The following CACNA2D3 variants were observed in gnomAD, a reference collection of about 807,000 sequenced individuals.
CACNA2D3 encodes the protein calcium voltage-gated channel auxiliary subunit alpha2delta 3.
In CACNA2D3, 60 loss-of-function variants were observed where a neutral mutation model predicts 160.6. The observed-to-expected ratio is 0.37, with a 90% CI of 0.30 to 0.46. The LOEUF is 0.46. CACNA2D3 is among the 20% of genes least tolerant of loss of function. The pLI is 1.00. For synonymous variants in CACNA2D3, 558 were observed against 492.9 expected (o/e 1.13, Z -1.75); for missense variants, 1,205 against 1,365.0 (o/e 0.88, Z 1.85).
At chr3:54,354,115 C>G (rs1698609586) in intron 3 of CACNA2D3, among the ~76,000 whole-genome samples, 1 of 152,146 alleles carries the variant, frequency 6.6e-6, no homozygotes, top group Non-Finnish European at 1.5e-5. Flanking sequence ...TGAATCTCAG[C>G]CTTCCAGCCC....
chr3:54,499,058 G>A (rs962622130), intron 4 of CACNA2D3, among the ~76,000 whole-genome samples: 5 of 152,060 alleles, frequency 3.3e-5, no homozygotes, highest in Non-Finnish European at 5.9e-5. Context: ...AGAAAAGAAT[G>A]TGTGCTCTTC....
At position 54,122,836 on chromosome 3, in the gene CACNA2D3, G is replaced by T. The variant is rs1699501551; in HGVS notation, c.122+1G>T. 8.1e-7 allele frequency: 1 copy of T among 1,230,598 alleles called. No individual in the cohort carries two copies. The highest frequency in any genetic ancestry group is 3.2e-5 in the East Asian group (1 of 31,022). The allele number at this position is 1,230,598 out of a possible 1,614,324, so 76.2% of individuals were successfully genotyped here. On this transcript the variant is annotated splice_donor_variant, in intron 1 of 37. Transcript: ENST00000474759. LOFTEE classifies it high-confidence loss of function. ...CGGAGCAGCAGATACCGCTCTCCGT[G>T]TAAGTGCCGGCTCCTGCGCCGCCCG...
chr3:54,987,132 G>T (rs1702632504), intron 30 of CACNA2D3, among the ~76,000 whole-genome samples: 1 of 152,108 alleles, frequency 6.6e-6, no homozygotes, highest in African/African-American at 2.4e-5. Context: ...CTTACTCTTG[G>T]TCAACATGTC....
chr3:54,844,303 T>C (rs750289650), intron 16 of CACNA2D3, among the ~76,000 whole-genome samples: 1 of 152,008 alleles, frequency 6.6e-6, no homozygotes, highest in Non-Finnish European at 1.5e-5. Flanking sequence ...CTGGCAACCG[T>C]AGAGAAAGGG....
In CACNA2D3 at chr3:55,073,760, C is replaced by T. The variant is rs1704875279; in HGVS notation, c.3101-17C>T. On this transcript the variant is annotated splice_polypyrimidine_tract_variant and intron_variant, in intron 36 of 37. Transcript: ENST00000474759. The stretch of plus-strand genomic sequence containing the variant: ...GAAAAAAGCAATCCTTGGAAACATG[C>T]CTTAACTACAGTCAACATAATGAAT... 6.2e-7 allele frequency: 1 copy of T among 1,602,620 alleles called. No homozygotes were observed. The highest frequency in any genetic ancestry group is 8.5e-7 in the Non-Finnish European group (1 of 1,170,596).
intron 35 of CACNA2D3, among the ~76,000 whole-genome samples, chr3:55,045,564 C>A (rs527312780): frequency 5.9e-5 from 9 of 152,266 alleles, no homozygotes; most frequent in Non-Finnish European, 1.3e-4. Flanking sequence ...GCTATGAATT[C>A]AATATCTTTA....
At chr3:54,353,071 G>A (rs1698591955) in intron 3 of CACNA2D3, among the ~76,000 whole-genome samples, 1 of 152,164 alleles carries the variant, frequency 6.6e-6, no homozygotes. Flanking sequence ...TAGTCAGCCT[G>A]ATGTGCTATC....
chr3:54,817,888 A>G (rs1703493177), intron 14 of CACNA2D3, among the ~76,000 whole-genome samples: 2 of 152,240 alleles, frequency 1.3e-5, no homozygotes, highest in South Asian at 4.1e-4. Flanking sequence ...CAATGCCATC[A>G]CAAAAGGACG....
In CACNA2D3 at chr3:54,289,661, A is replaced by T. The variant is rs141708569; in HGVS notation, c.205-30781A>T. On this transcript the variant is annotated intron_variant, in intron 2 of 37. Transcript: ENST00000474759. ...CACGCTACCTGACTTCAAACTATAC[A>T]ACAAGGCTACAGTAACCAAAACAGC... 8.3e-3 allele frequency among the ~76,000 whole-genome samples: 1,258 copies of T among 152,290 alleles called. 6 individuals carry two copies. The highest frequency in any genetic ancestry group is 0.013 in the Non-Finnish European group (890 of 68,008).
chr3:55,005,977 A>G (rs1172780188), intron 32 of CACNA2D3, among the ~76,000 whole-genome samples: 1 of 152,242 alleles, frequency 6.6e-6, no homozygotes, highest in African/African-American at 2.4e-5. Flanking sequence ...AAAACAGATA[A>G]TTAACACGGT....
At chr3:54,480,532 T>G (rs2106898458) in intron 4 of CACNA2D3, among the ~76,000 whole-genome samples, 1 of 152,210 alleles carries the variant, frequency 6.6e-6, no homozygotes, top group South Asian at 2.1e-4. Context: ...GAAATGAGGG[T>G]TTTATGATAA....
intron 14 of CACNA2D3, among the ~76,000 whole-genome samples, chr3:54,821,985 A>C (rs1326667383): frequency 6.6e-6 from 1 of 152,166 alleles, no homozygotes; most frequent in Non-Finnish European, 1.5e-5. Context: ...ACAGTTATAT[A>C]ACCATCTAAA....
At chr3:54,613,791 A>G (rs1228105736) in intron 9 of CACNA2D3, among the ~76,000 whole-genome samples, 1 of 152,078 alleles carries the variant, frequency 6.6e-6, no homozygotes, top group Non-Finnish European at 1.5e-5. Flanking sequence ...TTATTTGTGT[A>G]TGCTCTGTTT....
At chr3:54,451,569 C>A (rs955148393) in intron 4 of CACNA2D3, among the ~76,000 whole-genome samples, 2 of 152,088 alleles carry the variant, frequency 1.3e-5, no homozygotes, top group African/African-American at 4.8e-5. Context: ...GAGTCACATG[C>A]CTAATCTCTC....
chr3:54,476,046 A>T (rs1441165127), intron 4 of CACNA2D3, among the ~76,000 whole-genome samples: 9 of 135,218 alleles, frequency 6.7e-5, no homozygotes, highest in South Asian at 2.3e-4. Flanking sequence ...TGTAAGTTTG[A>T]TTTTTTTTTT....
chr3:54,271,998 G>C (rs1291616294), intron 2 of CACNA2D3, among the ~76,000 whole-genome samples: 2 of 152,212 alleles, frequency 1.3e-5, no homozygotes, highest in Non-Finnish European at 2.9e-5. Context: ...GGAGCGAGCT[G>C]TTTTCATCTT....
At chr3:55,044,378 T>C (rs568735550) in intron 35 of CACNA2D3, among the ~76,000 whole-genome samples, 2 of 152,312 alleles carry the variant, frequency 1.3e-5, no homozygotes, top group South Asian at 4.1e-4. Context: ...ATTATACTTT[T>C]TCATTTCAAT....
At chr3:55,074,090 A>G in intron 37 of CACNA2D3, 24 bp from the exon 38 acceptor site, 1 of 1,601,816 alleles carries the variant, frequency 6.2e-7, no homozygotes, top group Non-Finnish European at 8.6e-7. Flanking sequence ...TTTCCGTCTA[A>G]CCAACCCCTG....
intron 4 of CACNA2D3, among the ~76,000 whole-genome samples, chr3:54,422,353 G>A (rs916105587): frequency 6.6e-6 from 1 of 152,164 alleles, no homozygotes; most frequent in African/African-American, 2.4e-5. Flanking sequence ...TCCGTCTCTG[G>A]TGCTAGGGAC....
Sources: allele counts gnomAD v4.1 joint callset (sites outside exome capture counted in the v4.1 genomes callset), GRCh38; gene constraint gnomAD v4.1.1; transcripts MANE v1.5; gene names NCBI Gene and HGNC (gene_info 2026-07-23, HGNC 2026-07-21).